The following JDP2 variants were observed in gnomAD, a reference collection of about 807,000 sequenced individuals.
JDP2 encodes the protein progesterone receptor co-activator.
In JDP2, 9 loss-of-function variants were observed where a neutral mutation model predicts 17.1. The ratio of observed to expected loss-of-function variants is 0.53; its 90% CI spans 0.32 to 0.92. The LOEUF is 0.92. Ranked by LOEUF, JDP2 falls within the 40% of genes least tolerant of loss-of-function variation. The pLI, the probability that JDP2 is intolerant of heterozygous loss-of-function variation, is 0.04. For synonymous variants in JDP2, 107 were observed against 95.6 expected (o/e 1.12, Z -0.69); for missense variants, 179 against 220.0 (o/e 0.81, Z 1.18).
chr14:75,431,426 C>T (rs958320431), intron 1 of JDP2, among the ~76,000 whole-genome samples: 1 of 152,208 alleles, frequency 6.6e-6, no homozygotes, highest in Admixed American at 6.5e-5. Context: ...TTGAACCCAG[C>T]TACCGCTCCT....
At chr14:75,464,768 C>T (rs1246059121) in intron 3 of JDP2, among the ~76,000 whole-genome samples, 1 of 152,218 alleles carries the variant, frequency 6.6e-6, no homozygotes, top group African/African-American at 2.4e-5. Context: ...CCCTGAACCC[C>T]GGGGAAGGGG....
intron 2 of JDP2, among the ~76,000 whole-genome samples, chr14:75,456,717 G>T (rs1886122382): frequency 6.6e-6 from 1 of 152,204 alleles, no homozygotes; most frequent in Admixed American, 6.5e-5. Context: ...TGGGGGTGAA[G>T]TTGGTTGCCC....
At chr14:75,450,732 T>C (rs541054308) in intron 2 of JDP2, among the ~76,000 whole-genome samples, 151 of 152,370 alleles carry the variant, frequency 9.9e-4, no homozygotes, top group African/African-American at 3.5e-3. Context: ...TCACCAGCTC[T>C]GTGGATCAGG....
At chr14:75,464,474 C>T (rs530794370) in intron 3 of JDP2, among the ~76,000 whole-genome samples, 2 of 152,242 alleles carry the variant, frequency 1.3e-5, no homozygotes, top group East Asian at 1.9e-4. Flanking sequence ...GCATTTACAT[C>T]GTATTAGTCA....
chr14:75,456,730 C>T (rs1290100557), intron 2 of JDP2, among the ~76,000 whole-genome samples: 7 of 152,202 alleles, frequency 4.6e-5, no homozygotes, highest in Non-Finnish European at 2.9e-5. Flanking sequence ...GGTTGCCCGG[C>T]CCTGCATGAC....
Position 75,438,086 on chromosome 14 carries a change from A to C in JDP2, c.166A>C (p.Lys56Gln). Residue 56 changes from lysine (K) to glutamine (Q), a missense_variant, in exon 2 of 4, where the codon AAA (lysine) becomes CAA (glutamine). By Grantham distance (53) the Lys-to-Gln change is moderately conservative. Coordinates refer to ENST00000651602, the MANE Select transcript of JDP2 (RefSeq NM_001135048.2). ...TGCACCCTTGCACTTCCTGGAGGTGAAACTGGGCAAGAGGCCCCAGCCCGT... is the reference window on the plus strand; with the variant it reads ...TGCACCCTTGCACTTCCTGGAGGTGCAACTGGGCAAGAGGCCCCAGCCCGT... ...MIAPLHFLEVKLGKRPQPVKS... is the reference protein window; with the variant it reads ...MIAPLHFLEVQLGKRPQPVKS... 1 of 1,613,340 alleles carries C rather than the reference A, an allele frequency of 6.2e-7. No individual in the cohort carries two copies. Among genetic ancestry groups the C allele is most frequent in the Non-Finnish European group, 8.5e-7 (1 of 1,179,492 alleles).
chr14:75,461,030 C>G (rs546423211), intron 2 of JDP2, among the ~76,000 whole-genome samples: 9 of 152,234 alleles, frequency 5.9e-5, no homozygotes, highest in Admixed American at 2.0e-4. Context: ...CAAGAAAGGG[C>G]CAAATTTCCT....
chr14:75,440,307 G>C (rs1253985184), intron 2 of JDP2, among the ~76,000 whole-genome samples: 9 of 152,202 alleles, frequency 5.9e-5, no homozygotes, highest in Admixed American at 2.6e-4. Flanking sequence ...GCCCTGCACT[G>C]CGAACCGACC....
intron 3 of JDP2, among the ~76,000 whole-genome samples, chr14:75,464,660 A>G (rs2139997405): frequency 6.6e-6 from 1 of 152,262 alleles, no homozygotes; most frequent in East Asian, 1.9e-4. Context: ...GTCATAGGTA[A>G]AAAGCCACCG....
intron 3 of JDP2, among the ~76,000 whole-genome samples, chr14:75,468,054 C>G (rs1035863369): frequency 5.9e-5 from 9 of 152,108 alleles, no homozygotes; most frequent in African/African-American, 2.2e-4. Context: ...CTGGGGACCC[C>G]CTGGGGAGGC....
chr14:75,428,403 G>C lies in JDP2; in HGVS notation c.-24+151G>C, dbSNP rs1358496997. 2.0e-5 allele frequency: 3 copies of C among 151,544 alleles called. No individual in the cohort carries two copies. Among genetic ancestry groups the C allele is most frequent in the East Asian group, 1.9e-4 (1 of 5,142 alleles). The allele number at this position is 151,544 out of a possible 1,614,324, so 9.4% of individuals were successfully genotyped here. On this transcript the variant is annotated intron_variant, in intron 1 of 3. Transcript: ENST00000651602. This position sits in a 1 kb window ranked among gnomAD's most constrained non-coding sequence, Gnocchi z 5.6. ...GAGGCTCCCGCAGCCCAGGGACCTC[G>C]AGCTTTCCCCGCGCCGGGCGCTGCA... is the stretch of plus-strand genomic sequence containing the variant.
In JDP2 at chr14:75,430,987, G is replaced by A. The variant is rs1305011648; in HGVS notation, c.-24+2735G>A. On this transcript the variant is annotated intron_variant, in intron 1 of 3. Transcript: ENST00000651602. The surrounding 1 kb of genome is among the most constrained non-coding windows in gnomAD (Gnocchi z 4.5). Reference sequence around the variant, plus strand: ...AGTCTGTTTTCTTGCTGCAGCCCACGGGATTTAGTTGCAGAGCTCCATTTG... The same window carrying A: ...AGTCTGTTTTCTTGCTGCAGCCCACAGGATTTAGTTGCAGAGCTCCATTTG... Among the ~76,000 whole-genome samples, 2 of 152,084 alleles carry A rather than the reference G, an allele frequency of 1.3e-5. No individual in the cohort carries two copies. Among genetic ancestry groups the A allele is most frequent in the South Asian group, 2.1e-4 (1 of 4,820 alleles).
chr14:75,465,120 T>TCTGTTTGCC, intron 3 of JDP2, among the ~76,000 whole-genome samples: 1 of 152,126 alleles, frequency 6.6e-6, no homozygotes, highest in Non-Finnish European at 1.5e-5. Flanking sequence ...CACACAATAT[T>TCTGTTTGCC]CAGGTTGCCC....
intron 1 of JDP2, chr14:75,432,417 T>C: frequency 7.3e-7 from 1 of 1,370,000 alleles, no homozygotes; most frequent in Non-Finnish European, 1.0e-6. Context: ...GGTTCTGTCC[T>C]GGGAATCTTC....
chr14:75,446,667 G>C (rs1412909218), intron 2 of JDP2, among the ~76,000 whole-genome samples: 1 of 152,208 alleles, frequency 6.6e-6, no homozygotes, highest in Non-Finnish European at 1.5e-5. Flanking sequence ...GAGATGGGAG[G>C]AGTGGGGAGT....
rs142265996 is a variant in JDP2, at chr14:75,454,041, C to A, written c.202-7385C>A. ...CCTGCAAGCTATGTTTTTGAAAACG[C>A]TTATGAAAAGTCAGAATTCAAAATC... On this transcript the variant is annotated intron_variant, in intron 2 of 3. Coordinates refer to ENST00000651602, the MANE Select transcript of JDP2 (RefSeq NM_001135048.2). Among the ~76,000 whole-genome samples the A allele has an allele frequency of 9.9e-5, 15 of 152,176 alleles. 1 individual carries two copies. In the East Asian group the frequency reaches 1.9e-3, roughly 20 times the overall value.
chr14:75,460,491 T>G (rs1886305474), intron 2 of JDP2, among the ~76,000 whole-genome samples: 2 of 151,664 alleles, frequency 1.3e-5, no homozygotes, highest in African/African-American at 4.9e-5. Flanking sequence ...GTCAAGGAGG[T>G]GGGAAGGTGG....
At chr14:75,432,286 T>TA (rs1419906729) in intron 1 of JDP2, 1 of 1,549,640 alleles carries the variant, frequency 6.5e-7, no homozygotes, top group Non-Finnish European at 8.7e-7. Flanking sequence ...GGTGATTCCT[T>TA]AGCTCCAAGA....
chr14:75,439,659 G>C (rs1250981305), intron 2 of JDP2, among the ~76,000 whole-genome samples: 1 of 152,234 alleles, frequency 6.6e-6, no homozygotes, highest in Non-Finnish European at 1.5e-5. Flanking sequence ...AAAGACTGTG[G>C]ATTACAAGCT....
Sources: allele counts gnomAD v4.1 joint callset (sites outside exome capture counted in the v4.1 genomes callset), GRCh38; gene constraint gnomAD v4.1.1; non-coding constraint Gnocchi (gnomAD v3.1); transcripts MANE v1.5; gene names NCBI Gene and HGNC (gene_info 2026-07-23, HGNC 2026-07-21).